Variants in EXD3 observed in about 807,000 individuals in gnomAD.
The protein encoded by EXD3 is exonuclease 3'-5' domain containing 3.
EXD3 carries 92 observed loss-of-function variants against 98.0 expected under a neutral mutation model. That is an observed-to-expected ratio of 0.94 (90% CI 0.79 to 1.12). EXD3 has a LOEUF of 1.12. EXD3 is among the 50% of genes most tolerant of loss of function. The pLI is 0.00. For synonymous variants in EXD3, 569 were observed against 526.0 expected, an observed-to-expected ratio of 1.08 and a Z score of -1.12; for missense variants, 1,222 against 1,191.6, an observed-to-expected ratio of 1.03 and a Z score of -0.38.
rs200538457 is a variant in EXD3 at position 137,356,298 on chromosome 9, G to C, written c.727C>G (p.Arg243Gly). 1.1e-5 allele frequency: 18 copies of C among 1,603,704 alleles called. No homozygotes were observed. Among genetic ancestry groups the C allele is most frequent in the Non-Finnish European group, 1.4e-5 (17 of 1,175,864 alleles). Residue 243 changes from arginine to glycine, a missense_variant, in exon 8 of 22, where the codon CGT becomes GGT. Arg to Gly is a moderately radical substitution (Grantham distance 125). Coordinates refer to ENST00000340951, the MANE Select transcript of EXD3 (RefSeq NM_017820.5). ...SPKALSRQVLRLQERYGVAPA... is the reference protein window; with the variant it reads ...SPKALSRQVLGLQERYGVAPA... ...GCTACGCCGTACCGCTCCTGCAGACGCAAGACCTGCCTGCTCAGCGCCTTC... is the reference window on the plus strand; with the variant it reads ...GCTACGCCGTACCGCTCCTGCAGACCCAAGACCTGCCTGCTCAGCGCCTTC...
At chr9:137,315,645 C>T (rs1361605061) in intron 19 of EXD3, among the ~76,000 whole-genome samples, 1 of 152,070 alleles carries the variant, frequency 6.6e-6, no homozygotes, top group African/African-American at 2.4e-5. Context: ...ACACAAAGCC[C>T]CGTAGTGTGA....
chr9:137,313,973 G>T (rs1178209957), intron 19 of EXD3, among the ~76,000 whole-genome samples: 5 of 152,300 alleles, frequency 3.3e-5, no homozygotes, highest in East Asian at 3.9e-4. Flanking sequence ...AGGGATGCTG[G>T]CGGGGGTCGC....
chr9:137,318,341 C>A (rs969569106), intron 19 of EXD3, among the ~76,000 whole-genome samples: 4 of 152,132 alleles, frequency 2.6e-5, no homozygotes, highest in East Asian at 1.9e-4. Flanking sequence ...TCGTCCCCCC[C>A]ATAATGGCCA....
chr9:137,413,581 C>T (rs558720407), intron 1 of EXD3, among the ~76,000 whole-genome samples: 16 of 150,182 alleles, frequency 1.1e-4, no homozygotes, highest in African/African-American at 3.9e-4. Context: ...TCCCAGCTCA[C>T]TGTAACCGCC....
rs1376171232 is a variant in EXD3 at position 137,407,043 on chromosome 9, C to T, written c.-47-11639G>A. Among the ~76,000 whole-genome samples, 15 of 152,164 alleles carry T rather than the reference C, an allele frequency of 9.9e-5. No homozygotes were observed. The highest frequency in any genetic ancestry group is 8.5e-4 in the Admixed American group (13 of 15,282). ...ACCCGGAGTGGTGGAGGCCAGAACGCTCGCCAGCAAACCCGCCCGTTCACA... is the reference window on the plus strand; with the variant it reads ...ACCCGGAGTGGTGGAGGCCAGAACGTTCGCCAGCAAACCCGCCCGTTCACA... On this transcript the variant is annotated intron_variant, in intron 1 of 21. Transcript: ENST00000340951. This position sits in a 1 kb window ranked among gnomAD's most constrained non-coding sequence, Gnocchi z 4.4.
chr9:137,367,250 C>T (rs182520696), intron 6 of EXD3, among the ~76,000 whole-genome samples: 10 of 152,308 alleles, frequency 6.6e-5, no homozygotes, highest in Middle Eastern at 3.4e-3. Flanking sequence ...GGGCAGAACG[C>T]GAAGCCCCAA....
At position 137,347,923 on chromosome 9, in the gene EXD3, G is replaced by A. The variant is rs1834016157; in HGVS notation, c.1998+148C>T. On this transcript the variant is annotated intron_variant, in intron 17 of 21. Coordinates refer to ENST00000340951, the MANE Select transcript of EXD3 (RefSeq NM_017820.5). The surrounding 1 kb of genome is among the most constrained non-coding windows in gnomAD (Gnocchi z 4.2). ...TTGGCCCCCAACCGCTCCATCCTTG[G>A]CCACCCCGTCCTGTTCCCAGAGCCT... 6.2e-6 allele frequency: 6 copies of A among 962,858 alleles called. No individual in the cohort carries two copies. The highest frequency in any genetic ancestry group is 2.7e-5 in the East Asian group (1 of 36,824). 59.6% of individuals were successfully genotyped at this position (962,858 alleles called of 1,614,324 possible). A position where few individuals can be genotyped will look rare whatever the true frequency, so the allele number is the denominator to read the frequency against.
intron 2 of EXD3, among the ~76,000 whole-genome samples, chr9:137,389,788 T>C (rs916920476): frequency 4.6e-5 from 7 of 152,144 alleles, no homozygotes; most frequent in African/African-American, 9.7e-5. Context: ...GAAAAGATCC[T>C]ACCTACAACA....
At chr9:137,356,168 GCAC>G in intron 8 of EXD3, 97 bp downstream of exon 8, 1 of 873,480 alleles carries the variant, frequency 1.1e-6, no homozygotes, top group East Asian at 2.7e-5. Flanking sequence ...GTCTTGGTTG[GCAC>G]CTGAACAACG....
chr9:137,340,083 G>C (rs1415342946), intron 17 of EXD3, among the ~76,000 whole-genome samples: 4 of 152,062 alleles, frequency 2.6e-5, no homozygotes, highest in Admixed American at 1.3e-4. Context: ...TGTATCAGCA[G>C]AAAATAAAAC....
In EXD3 at chr9:137,352,173, C is replaced by G. The variant is rs759819456; in HGVS notation, c.1066G>C (p.Val356Leu). The G allele has an allele frequency of 1.9e-6, 3 of 1,612,802 alleles. No homozygotes were observed. The highest frequency in any genetic ancestry group is 2.5e-6 in the Non-Finnish European group (3 of 1,179,756). The change falls in exon 12 of 22, where the codon GTG becomes CTG. Residue 356 changes from valine to leucine, a missense_variant. By Grantham distance (32) the Val-to-Leu change is conservative. Transcript: ENST00000340951. ...TAGTAACGGTCCTTCATGTCCTTCA[C>G]CTCCAGCCTCGAGTCAGCCTCAGTC... ...RATEADSRLE[V>L]KDMKDRYYQL... is the part of the protein sequence containing the mutation.
intron 1 of EXD3, among the ~76,000 whole-genome samples, chr9:137,421,916 C>T (rs961679023): frequency 6.6e-6 from 1 of 152,114 alleles, no homozygotes; most frequent in Non-Finnish European, 1.5e-5. Flanking sequence ...CCTAATGGAA[C>T]AGGTTTGTTT....
chr9:137,380,928 T>C (rs183544363), intron 3 of EXD3, among the ~76,000 whole-genome samples: 6,261 of 137,838 alleles, frequency 0.045, 154 homozygotes, highest in Middle Eastern at 0.099. Context: ...GGTGAAACCC[T>C]GTCTCTACTA....
intron 19 of EXD3, among the ~76,000 whole-genome samples, chr9:137,311,004 T>C (rs1218061038): frequency 6.6e-6 from 1 of 152,138 alleles, no homozygotes; most frequent in East Asian, 1.9e-4. Context: ...GGTGTGGCCA[T>C]GTTGGGGGCA....
At chr9:137,402,632 G>C (rs1326236657) in intron 1 of EXD3, among the ~76,000 whole-genome samples, 1 of 152,066 alleles carries the variant, frequency 6.6e-6, no homozygotes, top group Admixed American at 6.6e-5. Flanking sequence ...CTTGTCTTCT[G>C]AGCCCTCCAA....
chr9:137,346,238 CAAAAAAAAAA>C lies in EXD3; in HGVS notation c.1998+1823_1998+1832del, dbSNP rs563761495. Among the ~76,000 whole-genome samples the C allele has an allele frequency of 3.5e-3, 47 of 13,616 alleles. 1 individual carries two copies. Among genetic ancestry groups the C allele is most frequent in the African/African-American group, 0.013 (45 of 3,510 alleles). 8.9% of individuals were successfully genotyped at this position (13,616 alleles called of 152,430 possible). On this transcript the variant is annotated intron_variant, in intron 17 of 21. Coordinates refer to ENST00000340951, the MANE Select transcript of EXD3 (RefSeq NM_017820.5). ...TGGGAGACAGAGCAAGACTCCGTCT[CAAAAAAAAAA>C]AAAAAAAAAAAAAAAAAAATTCACT...
intron 7 of EXD3, 61 bp from the exon 8 acceptor site, chr9:137,356,429 T>C (rs1381762167): frequency 9.0e-7 from 1 of 1,117,262 alleles, no homozygotes; most frequent in Non-Finnish European, 1.3e-6. Flanking sequence ...TTTAAGATTT[T>C]CATTTTCATC....
intron 8 of EXD3, among the ~76,000 whole-genome samples, chr9:137,355,673 G>GAA: frequency 1.2e-5 from 1 of 83,936 alleles, no homozygotes; most frequent in East Asian, 4.2e-4. Context: ...AGGAGAAAGG[G>GAA]AGGATGGAGG....
Position 137,373,014 on chromosome 9 carries a change from G to T in EXD3, c.353C>A (p.Pro118His), listed in dbSNP as rs543602510. Residue 118 changes from proline (P) to histidine (H), a missense_variant, in exon 5 of 22, where the codon CCC (proline) becomes CAC (histidine). Coordinates refer to ENST00000340951, the MANE Select transcript of EXD3 (RefSeq NM_017820.5). Reference sequence around the variant, plus strand: ...GGCCAGTGGTGCCGCAAGGCTGGGGGGGCTCTCAGTGAGGACTTTGACCGC... The same window carrying T: ...GGCCAGTGGTGCCGCAAGGCTGGGGTGGCTCTCAGTGAGGACTTTGACCGC... Reference protein sequence around the residue: ...ARAVKVLTESPPSLAAPLASI... With the variant: ...ARAVKVLTESHPSLAAPLASI... 6.2e-7 allele frequency: 1 copy of T among 1,605,170 alleles called. No homozygotes were observed. Among genetic ancestry groups the T allele is most frequent in the Non-Finnish European group, 8.5e-7 (1 of 1,179,030 alleles).
Sources: allele counts gnomAD v4.1 joint callset (sites outside exome capture counted in the v4.1 genomes callset), GRCh38; gene constraint gnomAD v4.1.1; non-coding constraint Gnocchi (gnomAD v3.1); transcripts MANE v1.5; gene names NCBI Gene and HGNC (gene_info 2026-07-23, HGNC 2026-07-21).